Variants in GRID2 observed in about 807,000 individuals in gnomAD.
GRID2 encodes glutamate receptor ionotropic, delta-2.
GRID2 carries 33 observed loss-of-function variants against 114.8 expected under a neutral mutation model. The observed-to-expected ratio is 0.29, with a 90% CI of 0.22 to 0.38. GRID2 has a LOEUF of 0.38. Ranked by LOEUF, GRID2 falls within the 10% of genes least tolerant of loss-of-function variation. The pLI is 1.00. For synonymous variants in GRID2, 505 were observed against 449.9 expected, an observed-to-expected ratio of 1.12 and a Z score of -1.55; for missense variants, 1,184 against 1,257.7, an observed-to-expected ratio of 0.94 and a Z score of 0.89.
chr4:92,735,635 A>G (rs918802207), intron 2 of GRID2, among the ~76,000 whole-genome samples: 4 of 152,128 alleles, frequency 2.6e-5, no homozygotes, highest in Non-Finnish European at 5.9e-5. Flanking sequence ...CTTAAAATTT[A>G]TATTGTTTCC....
At chr4:92,407,536 T>G (rs966253683) in intron 1 of GRID2, among the ~76,000 whole-genome samples, 11 of 152,184 alleles carry the variant, frequency 7.2e-5, no homozygotes, top group African/African-American at 2.7e-4. Flanking sequence ...TGAATTAGTT[T>G]GCATTCCCAC....
At chr4:92,769,810 A>G (rs1008127675) in intron 2 of GRID2, among the ~76,000 whole-genome samples, 3 of 152,102 alleles carry the variant, frequency 2.0e-5, no homozygotes, top group Non-Finnish European at 4.4e-5. Flanking sequence ...ACAGGGACCC[A>G]GGGCCCAGTC....
At chr4:93,202,405 G>A (rs191067339) in intron 4 of GRID2, among the ~76,000 whole-genome samples, 1 of 152,182 alleles carries the variant, frequency 6.6e-6, no homozygotes, top group Admixed American at 6.5e-5. Context: ...AAGGAAAATT[G>A]CAATCAAATT....
chr4:93,149,875 A>C (rs1327722456), intron 4 of GRID2, among the ~76,000 whole-genome samples: 2 of 151,916 alleles, frequency 1.3e-5, no homozygotes, highest in Non-Finnish European at 2.9e-5. Context: ...GCTTCAAGTG[A>C]TCCTCCTGCC....
intron 4 of GRID2, among the ~76,000 whole-genome samples, chr4:93,144,549 G>A (rs1269686372): frequency 6.6e-6 from 1 of 152,112 alleles, no homozygotes; most frequent in Non-Finnish European, 1.5e-5. Context: ...CACAACCTGT[G>A]GTTCCTAGTA....
chr4:92,880,676 A>G (rs1216916720), intron 2 of GRID2, among the ~76,000 whole-genome samples: 1 of 152,182 alleles, frequency 6.6e-6, no homozygotes, highest in Non-Finnish European at 1.5e-5. Context: ...TCAAAAAAAC[A>G]AAAACAAATA....
intron 2 of GRID2, among the ~76,000 whole-genome samples, 166 bp downstream of exon 2, chr4:92,590,452 A>G (rs935942807): frequency 3.9e-5 from 6 of 152,186 alleles, no homozygotes; most frequent in Admixed American, 2.0e-4. Flanking sequence ...CTTGTATTCC[A>G]GTTTTGAAAG....
intron 2 of GRID2, among the ~76,000 whole-genome samples, chr4:92,905,206 G>T (rs1747854807): frequency 1.3e-5 from 2 of 151,872 alleles, no homozygotes; most frequent in South Asian, 4.2e-4. Context: ...ATTACTGAAA[G>T]TTAGTGCCAC....
chr4:92,488,993 T>C (rs1278138372), intron 1 of GRID2, among the ~76,000 whole-genome samples: 3 of 152,190 alleles, frequency 2.0e-5, no homozygotes, highest in Non-Finnish European at 2.9e-5. Context: ...TACCTAGTGA[T>C]AGTACATTTC....
intron 4 of GRID2, among the ~76,000 whole-genome samples, chr4:93,168,190 A>C (rs1738440204): frequency 6.6e-6 from 1 of 151,748 alleles, no homozygotes; most frequent in Non-Finnish European, 1.5e-5. Flanking sequence ...CAACAGAGTG[A>C]GACTCTATCT....
chr4:93,196,505 GC>G (rs1051702491), intron 4 of GRID2, among the ~76,000 whole-genome samples: 1 of 152,014 alleles, frequency 6.6e-6, no homozygotes, highest in African/African-American at 2.4e-5. Flanking sequence ...ATTCTAGAAA[GC>G]AAAATCCCCA....
At chr4:93,628,048 C>A (rs550474173) in intron 14 of GRID2, among the ~76,000 whole-genome samples, 1 of 152,246 alleles carries the variant, frequency 6.6e-6, no homozygotes, top group South Asian at 2.1e-4. Context: ...GTGGTGCATG[C>A]CTGTAATCTC....
intron 1 of GRID2, among the ~76,000 whole-genome samples, chr4:92,452,499 A>G (rs1156707004): frequency 6.6e-6 from 1 of 151,990 alleles, no homozygotes; most frequent in Admixed American, 6.5e-5. Flanking sequence ...TATTCTTAGT[A>G]GAGATGGGGT....
At chr4:92,516,972 C>G (rs1724531170) in intron 1 of GRID2, among the ~76,000 whole-genome samples, 1 of 151,856 alleles carries the variant, frequency 6.6e-6, no homozygotes, top group South Asian at 2.1e-4. Context: ...CTAATAAGCA[C>G]CATTAACAAG....
At chr4:92,583,309 C>T (rs975883878) in intron 1 of GRID2, among the ~76,000 whole-genome samples, 1 of 151,388 alleles carries the variant, frequency 6.6e-6, no homozygotes, top group Non-Finnish European at 1.5e-5. Context: ...TGGAGAGAAA[C>T]ACAACAGAGC....
chr4:93,426,581 A>G (rs1039713199), intron 10 of GRID2, among the ~76,000 whole-genome samples: 10 of 152,118 alleles, frequency 6.6e-5, no homozygotes, highest in African/African-American at 2.2e-4. Context: ...TTGGAGACTT[A>G]CTTTTTCACC....
chr4:93,249,648 C>G (rs1222761606), intron 8 of GRID2, among the ~76,000 whole-genome samples: 1 of 151,616 alleles, frequency 6.6e-6, no homozygotes, highest in African/African-American at 2.4e-5. Context: ...AACAAATTTA[C>G]AAGAAAAATA....
intron 8 of GRID2, among the ~76,000 whole-genome samples, chr4:93,387,462 G>GA (rs918798660): frequency 1.3e-5 from 2 of 152,180 alleles, no homozygotes; most frequent in Non-Finnish European, 1.5e-5. Context: ...TTAAAAGGGG[G>GA]AAAAATCTCA....
At chr4:92,614,962 G>A (rs1263761741) in intron 2 of GRID2, among the ~76,000 whole-genome samples, 2 of 147,294 alleles carry the variant, frequency 1.4e-5, no homozygotes, top group Admixed American at 1.4e-4. Flanking sequence ...TTTTCTTTTA[G>A]TAACCTCATT....
Sources: gnomAD v4.1 joint callset for allele counts (sites outside exome capture counted in the v4.1 genomes callset) on GRCh38, gnomAD v4.1.1 for gene constraint, MANE v1.5 for transcripts, NCBI Gene and HGNC (gene_info 2026-07-23, HGNC 2026-07-21) for gene names.